C4orf51: variants seen among roughly 807,000 people sequenced by gnomAD.
C4orf51 encodes the protein chromosome 4 open reading frame 51.
Under a neutral mutation model 25.2 loss-of-function variants are expected in C4orf51, and 25 were observed. That is an observed-to-expected ratio of 0.99 (90% CI 0.72 to 1.39). The LOEUF (loss-of-function observed/expected upper bound fraction) is 1.39, where lower values mean the gene tolerates loss of function less well. Ranked by LOEUF, C4orf51 falls within the 40% of genes most tolerant of loss-of-function variation. The pLI is 0.00. For missense variants in C4orf51, 252 were observed against 239.6 expected (o/e 1.05, Z -0.34); for synonymous variants, 100 against 84.5 (o/e 1.18, Z -1.01).
chr4:145,774,442 G>A (rs111999894), downstream of C4orf51: 410 of 1,543,922 alleles, frequency 2.7e-4, 2 homozygotes, highest in African/African-American at 5.0e-3. Flanking sequence ...TCGGCCAGGT[G>A]GCAGGTGCTC....
chr4:145,733,831 C>T (rs1303956669), downstream of C4orf51, among the ~76,000 whole-genome samples: 4 of 152,116 alleles, frequency 2.6e-5, no homozygotes, highest in Non-Finnish European at 5.9e-5. Flanking sequence ...CGGAGTTTTG[C>T]CCTGGCCAGC....
chr4:145,729,165 A>G lies in C4orf51; in HGVS notation c.367-4A>G, dbSNP rs1732280432. On this transcript the variant is annotated splice_region_variant and splice_polypyrimidine_tract_variant and intron_variant, in intron 3 of 5. Coordinates refer to ENST00000438731, the MANE Select transcript of C4orf51 (RefSeq NM_001080531.3). Reference sequence around the variant, plus strand: ...GTATTTATTTCTATCTCTCCTTTTTATAGGCACATCAAATTTGGGATTTTG... The same window carrying G: ...GTATTTATTTCTATCTCTCCTTTTTGTAGGCACATCAAATTTGGGATTTTG... The G allele has an allele frequency of 7.6e-6, 12 of 1,588,480 alleles. No homozygotes were observed. The highest frequency in any genetic ancestry group is 1.0e-5 in the Non-Finnish European group (12 of 1,158,222).
Position 145,765,473 on chromosome 4 carries a change from G to A in C4orf51, n.167-5515G>A, listed in dbSNP as rs769684778. ...TATCAGTTTTTGACATCGCTCCTGT[G>A]CAGGGCTTATTCTCAAGAATGGGTC... On this transcript the variant is annotated intron_variant and non_coding_transcript_variant, in intron 1 of 1. Coordinates refer to the C4orf51 transcript ENST00000510096. The surrounding 1 kb of genome is among the most constrained non-coding windows in gnomAD (Gnocchi z 4.7). The A allele has an allele frequency of 4.5e-5, 68 of 1,512,298 alleles. No individual in the cohort carries two copies. Among genetic ancestry groups the A allele is most frequent in the Non-Finnish European group, 5.9e-5 (66 of 1,123,524 alleles). The allele number at this position is 1,512,298 out of a possible 1,614,324, so 93.7% of individuals were successfully genotyped here.
At chr4:145,705,428 G>C (rs959330621) in intron 2 of C4orf51, among the ~76,000 whole-genome samples, 2 of 151,724 alleles carry the variant, frequency 1.3e-5, no homozygotes, top group African/African-American at 4.8e-5. Context: ...GCCGTCTCCT[G>C]CCCTGCTTAT....
chr4:145,791,630 C>T, the C4orf51 span, among the ~76,000 whole-genome samples: 5 of 151,948 alleles, frequency 3.3e-5, no homozygotes, highest in African/African-American at 1.2e-4. Context: ...AATTTGAATA[C>T]ACATATACTT....
chr4:145,732,644 C>T lies in C4orf51; in HGVS notation c.*84C>T, dbSNP rs978784773. 1 of 812,372 alleles carries T rather than the reference C, an allele frequency of 1.2e-6. No homozygotes were observed. Among genetic ancestry groups the T allele is most frequent in the Non-Finnish European group, 2.0e-6 (1 of 508,086 alleles). The allele number at this position is 812,372 out of a possible 1,614,324, so 50.3% of individuals were successfully genotyped here. The stretch of plus-strand genomic sequence containing the variant: ...GGTATGGGGCCCTCCCAACACCCTC[C>T]CCCCACCCGCCCCGCCCAGGAACGT... On this transcript the variant is annotated 3_prime_UTR_variant, in exon 6 of 6. Transcript: ENST00000438731.
chr4:145,780,777 T>C, the C4orf51 span, among the ~76,000 whole-genome samples: 1 of 152,238 alleles, frequency 6.6e-6, no homozygotes, highest in Non-Finnish European at 1.5e-5. Context: ...CACACTAAGT[T>C]AATATCTTGT....
the C4orf51 span, among the ~76,000 whole-genome samples, chr4:145,781,112 C>T: frequency 3.8e-5 from 5 of 132,112 alleles, no homozygotes; most frequent in Non-Finnish European, 7.8e-5. Flanking sequence ...AGAAGAATGG[C>T]GTGAACCCGG....
At chr4:145,716,774 C>A (rs1731439375) in intron 2 of C4orf51, among the ~76,000 whole-genome samples, 1 of 152,132 alleles carries the variant, frequency 6.6e-6, no homozygotes, top group Non-Finnish European at 1.5e-5. Context: ...CTTGGATGAT[C>A]ACTATTCTGT....
intron 1 of C4orf51, among the ~76,000 whole-genome samples, chr4:145,742,273 G>T (rs528433460): frequency 1.3e-5 from 2 of 152,182 alleles, no homozygotes; most frequent in Admixed American, 6.5e-5. Context: ...CTTGTCTCTG[G>T]CTTCTCTGTT....
chr4:145,740,953 G>A (rs1733064840), intron 1 of C4orf51, among the ~76,000 whole-genome samples: 1 of 152,106 alleles, frequency 6.6e-6, no homozygotes, highest in African/African-American at 2.4e-5. Flanking sequence ...TTTCCCATTG[G>A]TGAGGTAGCA....
At chr4:145,690,984 G>A (rs1729526099) in intron 1 of C4orf51, among the ~76,000 whole-genome samples, 1 of 152,110 alleles carries the variant, frequency 6.6e-6, no homozygotes, top group African/African-American at 2.4e-5. Context: ...GTGGGGGCAT[G>A]TGTCTGTGGT....
At chr4:145,745,549 G>T (rs189282266) in intron 1 of C4orf51, among the ~76,000 whole-genome samples, 3 of 152,094 alleles carry the variant, frequency 2.0e-5, no homozygotes, top group Admixed American at 1.3e-4. Context: ...CAAATGATTG[G>T]ATCTCATTCT....
At position 145,765,247 on chromosome 4, in the gene C4orf51, T is replaced by C; in HGVS notation, n.167-5741T>C. The C allele has an allele frequency of 2.8e-6, 4 of 1,423,422 alleles. No homozygotes were observed. Among genetic ancestry groups the C allele is most frequent in the Non-Finnish European group, 3.8e-6 (4 of 1,065,788 alleles). The allele number at this position is 1,423,422 out of a possible 1,614,324, so 88.2% of individuals were successfully genotyped here. A position where few individuals can be genotyped will look rare whatever the true frequency, so the allele number is the denominator to read the frequency against. On this transcript the variant is annotated intron_variant and non_coding_transcript_variant, in intron 1 of 1. Transcript: ENST00000510096. The surrounding 1 kb of genome is among the most constrained non-coding windows in gnomAD (Gnocchi z 4.7). Reference sequence around the variant, plus strand: ...GGAGTGGAGCCAAGCTCCTCCCCACTTCCTCCCGCCTCCTCCGACGCCTGA... The same window carrying C: ...GGAGTGGAGCCAAGCTCCTCCCCACCTCCTCCCGCCTCCTCCGACGCCTGA...
At position 145,680,211 on chromosome 4, in the gene C4orf51, A is replaced by T; in HGVS notation, c.8A>T (p.His3Leu). MS[H>L]YFYLTPQILL... ...GAGAGGCCGTTCGTAGTTATGTCAC[A>T]CTACTTCTACTTGACTCCACAAATT... is the stretch of plus-strand genomic sequence containing the variant. Residue 3 changes from histidine to leucine, a missense_variant, in exon 1 of 6, where the codon CAC (histidine) becomes CTC (leucine). By Grantham distance (99) the His-to-Leu change is moderately conservative. Coordinates refer to ENST00000438731, the MANE Select transcript of C4orf51 (RefSeq NM_001080531.3). 2 of 1,611,842 alleles carry T rather than the reference A, an allele frequency of 1.2e-6. No individual in the cohort carries two copies. The highest frequency in any genetic ancestry group is 1.7e-6 in the Non-Finnish European group (2 of 1,177,936).
At chr4:145,680,488 A>G (rs1728764529) in intron 1 of C4orf51, 52 bp downstream of exon 1, 3 of 1,344,728 alleles carry the variant, frequency 2.2e-6, no homozygotes, top group Non-Finnish European at 3.1e-6. Flanking sequence ...AATAGACAAG[A>G]GTGCTCTTAG....
At chr4:145,691,563 T>C (rs747924636) in intron 1 of C4orf51, among the ~76,000 whole-genome samples, 7 of 152,222 alleles carry the variant, frequency 4.6e-5, no homozygotes, top group Non-Finnish European at 1.0e-4. Context: ...TAGTGGTGGA[T>C]TGGATAAAGA....
chr4:145,778,969 A>G, the C4orf51 span, among the ~76,000 whole-genome samples: 1 of 152,190 alleles, frequency 6.6e-6, no homozygotes. Flanking sequence ...ACAATTATAC[A>G]TAAATAAAGG....
chr4:145,744,990 G>A (rs1286447265), intron 1 of C4orf51, among the ~76,000 whole-genome samples: 2 of 152,086 alleles, frequency 1.3e-5, no homozygotes, highest in East Asian at 1.9e-4. Flanking sequence ...AGATATCTTT[G>A]ACCCTTAGTT....
Sources: gnomAD v4.1 joint callset for allele counts (sites outside exome capture counted in the v4.1 genomes callset) on GRCh38, gnomAD v4.1.1 for gene constraint, Gnocchi (gnomAD v3.1) non-coding constraint, MANE v1.5 for transcripts, NCBI Gene and HGNC (gene_info 2026-07-23, HGNC 2026-07-21) for gene names.